The following KHDRBS2 variants were observed in gnomAD, a reference collection of about 807,000 sequenced individuals.
The protein encoded by KHDRBS2 is KH RNA binding domain containing, signal transduction associated 2.
In KHDRBS2, 26 loss-of-function variants were observed where a neutral mutation model predicts 44.3. The observed-to-expected ratio is 0.59, with a 90% CI of 0.43 to 0.81. The LOEUF (loss-of-function observed/expected upper bound fraction) is 0.81, where lower values mean the gene tolerates loss of function less well. KHDRBS2 is among the 40% of genes least tolerant of loss of function. The pLI, the probability that KHDRBS2 is intolerant of heterozygous loss-of-function variation, is 0.00. For synonymous variants in KHDRBS2, 194 were observed against 151.1 expected (o/e 1.28, Z -2.08); for missense variants, 476 against 433.1 (o/e 1.10, Z -0.88).
chr6:61,677,090 G>A (rs534364032), downstream of KHDRBS2, among the ~76,000 whole-genome samples: 2 of 151,878 alleles, frequency 1.3e-5, no homozygotes, highest in African/African-American at 4.8e-5. Context: ...TTTCTGCTGC[G>A]ATAACCCTGC....
intron 4 of KHDRBS2, among the ~76,000 whole-genome samples, chr6:61,952,987 CT>C (rs770649864): frequency 1.3e-5 from 2 of 151,820 alleles, no homozygotes; most frequent in African/African-American, 2.4e-5. Flanking sequence ...AGAACTTACT[CT>C]TTTTGTTATA....
chr6:61,552,270 G>T, the KHDRBS2 span, among the ~76,000 whole-genome samples: 4 of 148,176 alleles, frequency 2.7e-5, no homozygotes, highest in Non-Finnish European at 6.0e-5. Flanking sequence ...TTCTTTTTAT[G>T]GTTATTGTGA....
At chr6:62,285,715 C>G (rs1200313401) in intron 1 of KHDRBS2, 143 bp downstream of exon 1, 6 of 601,936 alleles carry the variant, frequency 1.0e-5, no homozygotes, top group African/African-American at 1.9e-5. Flanking sequence ...TCTGTCCGCC[C>G]GAGCTCTAAG....
chr6:61,694,553 T>A (rs1419415436), intron 8 of KHDRBS2, among the ~76,000 whole-genome samples: 1 of 152,180 alleles, frequency 6.6e-6, no homozygotes, highest in Non-Finnish European at 1.5e-5. Context: ...CCTATATGAT[T>A]AAGAATGTGC....
chr6:62,093,207 C>A (rs1352638621), intron 2 of KHDRBS2, among the ~76,000 whole-genome samples: 1 of 150,690 alleles, frequency 6.6e-6, no homozygotes, highest in Non-Finnish European at 1.5e-5. Flanking sequence ...GAGAAATTAT[C>A]CTGACCTTAG....
the KHDRBS2 span, among the ~76,000 whole-genome samples, chr6:61,599,124 C>T: frequency 2.6e-5 from 4 of 151,772 alleles, no homozygotes; most frequent in Non-Finnish European, 5.9e-5. Context: ...TTAGTAGAGA[C>T]GAGGTTTCAC....
intron 2 of KHDRBS2, among the ~76,000 whole-genome samples, chr6:62,104,939 C>A (rs1208036233): frequency 6.6e-6 from 1 of 151,870 alleles, no homozygotes; most frequent in East Asian, 1.9e-4. Context: ...CTACCAGTAA[C>A]AGAAGTGAAA....
At chr6:62,193,234 T>C (rs1359473126) in intron 1 of KHDRBS2, among the ~76,000 whole-genome samples, 1 of 152,068 alleles carries the variant, frequency 6.6e-6, no homozygotes, top group African/African-American at 2.4e-5. Context: ...CAAAGATTGT[T>C]CCTCTGTTAA....
At position 62,279,446 on chromosome 6, in the gene KHDRBS2, G is replaced by A. The variant is rs1841485860; in HGVS notation, c.91+6412C>T. On this transcript the variant is annotated intron_variant, in intron 1 of 8. Transcript: ENST00000281156. ...GAAGATATGAGGTCAGCATCATTCAGTTAAGAAACATTTATTGAGGCCTTC... is the reference window on the plus strand; with the variant it reads ...GAAGATATGAGGTCAGCATCATTCAATTAAGAAACATTTATTGAGGCCTTC... Among the ~76,000 whole-genome samples the A allele has an allele frequency of 5.3e-5, 8 of 152,296 alleles. No homozygotes were observed. In the South Asian group the frequency reaches 1.7e-3, roughly 32 times the overall value.
At chr6:61,656,906 T>A in the KHDRBS2 span, among the ~76,000 whole-genome samples, 2 of 152,042 alleles carry the variant, frequency 1.3e-5, no homozygotes, top group African/African-American at 4.8e-5. Context: ...GTTTTAGATA[T>A]GTTCTTATTT....
At chr6:62,076,078 C>A (rs1796280724) in intron 2 of KHDRBS2, among the ~76,000 whole-genome samples, 1 of 151,840 alleles carries the variant, frequency 6.6e-6, no homozygotes, top group African/African-American at 2.4e-5. Context: ...GCTTATTAAG[C>A]AAATTAACTC....
chr6:62,256,387 C>A (rs990162674), intron 1 of KHDRBS2, among the ~76,000 whole-genome samples: 1 of 151,726 alleles, frequency 6.6e-6, no homozygotes, highest in Non-Finnish European at 1.5e-5. Flanking sequence ...TGGGAGGGAC[C>A]CAGTAGGAGG....
At chr6:61,948,879 CAA>C (rs1764167603) in intron 4 of KHDRBS2, among the ~76,000 whole-genome samples, 1 of 151,800 alleles carries the variant, frequency 6.6e-6, no homozygotes, top group Non-Finnish European at 1.5e-5. Flanking sequence ...GTGAGAATAA[CAA>C]TGTGATAAAG....
At chr6:62,175,369 TTTTTCA>T (rs1820878705) in intron 2 of KHDRBS2, among the ~76,000 whole-genome samples, 1 of 151,588 alleles carries the variant, frequency 6.6e-6, no homozygotes, top group African/African-American at 2.4e-5. Flanking sequence ...GGTGTTATCA[TTTTTCA>T]CATTCTTCCA....
intron 6 of KHDRBS2, among the ~76,000 whole-genome samples, chr6:61,866,249 A>G (rs569157456): frequency 6.6e-6 from 1 of 152,300 alleles, no homozygotes; most frequent in East Asian, 1.9e-4. Flanking sequence ...GAGTTTCCAT[A>G]CATCCTGTGA....
intron 6 of KHDRBS2, among the ~76,000 whole-genome samples, chr6:61,866,072 C>T (rs1797750351): frequency 6.6e-6 from 1 of 152,162 alleles, no homozygotes; most frequent in Non-Finnish European, 1.5e-5. Context: ...AGGATGGTGG[C>T]CCTCTTCTCA....
chr6:62,186,518 C>T (rs943129290), intron 1 of KHDRBS2, among the ~76,000 whole-genome samples: 2 of 151,986 alleles, frequency 1.3e-5, no homozygotes, highest in African/African-American at 4.8e-5. Flanking sequence ...CCATGACTTA[C>T]ATTTGAATGT....
intron 1 of KHDRBS2, 92 bp downstream of exon 1, chr6:62,285,766 G>A (rs994613100): frequency 2.5e-6 from 2 of 803,326 alleles, no homozygotes; most frequent in Non-Finnish European, 4.1e-6. Flanking sequence ...AAGGCGGGGA[G>A]AGGAGTCCCT....
At chr6:61,602,573 C>T in the KHDRBS2 span, among the ~76,000 whole-genome samples, 1 of 152,194 alleles carries the variant, frequency 6.6e-6, no homozygotes, top group Non-Finnish European at 1.5e-5. Context: ...AGTGGCTGAA[C>T]ACTGACACTG....
Sources: allele counts gnomAD v4.1 joint callset (sites outside exome capture counted in the v4.1 genomes callset), GRCh38; gene constraint gnomAD v4.1.1; transcripts MANE v1.5; gene names NCBI Gene and HGNC (gene_info 2026-07-23, HGNC 2026-07-21).